ALKBH5: variants seen among roughly 807,000 people sequenced by gnomAD.
ALKBH5 encodes the protein RNA demethylase ALKBH5.
A neutral mutation model predicts 32.1 loss-of-function variants in ALKBH5; 2 were observed. The observed-to-expected ratio is 0.06, with a 90% confidence interval of 0.03 to 0.20. The LOEUF (loss-of-function observed/expected upper bound fraction) is 0.20. Ranked by LOEUF, ALKBH5 falls within the 10% of genes least tolerant of loss-of-function variation. The pLI, the probability that ALKBH5 is intolerant of heterozygous loss-of-function variation, is 1.00. For missense variants in ALKBH5, 352 were observed against 559.5 expected, an observed-to-expected ratio of 0.63 and a Z score of 3.74; for synonymous variants, 300 against 231.7, an observed-to-expected ratio of 1.29 and a Z score of -2.68.
intron 2 of ALKBH5, among the ~76,000 whole-genome samples, chr17:18,199,161 A>AGG (rs1354484219): frequency 6.6e-6 from 1 of 152,174 alleles, no homozygotes. Flanking sequence ...GAGTGGGGTG[A>AGG]GGCAGCAGCT....
intron 3 of ALKBH5, among the ~76,000 whole-genome samples, chr17:18,207,480 G>A (rs766150887): frequency 3.3e-5 from 5 of 152,120 alleles, no homozygotes; most frequent in Non-Finnish European, 7.3e-5. Context: ...GGCTAAGACG[G>A]TGAAACCCCG....
rs1333744517 is a variant in ALKBH5 at position 18,209,549 on chromosome 17, T to C, written c.*1153T>C. On this transcript the variant is annotated 3_prime_UTR_variant, in exon 4 of 4. Transcript: ENST00000399138. Reference sequence around the variant, plus strand: ...TAATAAGGAAAAAAAGGTAAAGTCTTTGGTAGCTTCTATCCACTCAGATCC... The same window carrying C: ...TAATAAGGAAAAAAAGGTAAAGTCTCTGGTAGCTTCTATCCACTCAGATCC... The C allele has an allele frequency of 6.6e-6, 1 of 152,230 alleles. No individual in the cohort carries two copies. The highest frequency in any genetic ancestry group is 1.5e-5 in the Non-Finnish European group (1 of 68,074). 9.4% of individuals were successfully genotyped at this position (152,230 alleles called of 1,614,324 possible). A position where few individuals can be genotyped will look rare whatever the true frequency, so the allele number is the denominator to read the frequency against.
intron 2 of ALKBH5, among the ~76,000 whole-genome samples, chr17:18,204,267 C>T (rs1001286063): frequency 1.3e-5 from 2 of 152,062 alleles, no homozygotes; most frequent in African/African-American, 4.8e-5. Context: ...GCCTGACCAA[C>T]ATGGAGAAAC....
intron 2 of ALKBH5, among the ~76,000 whole-genome samples, chr17:18,204,085 A>G (rs918950383): frequency 6.6e-6 from 1 of 152,180 alleles, no homozygotes; most frequent in African/African-American, 2.4e-5. Flanking sequence ...GTCAAGTATA[A>G]AGGCTAACAT....
At position 18,184,099 on chromosome 17, in the gene ALKBH5, GC is replaced by G; in HGVS notation, c.-139del. On this transcript the variant is annotated 5_prime_UTR_variant, in exon 1 of 4. Transcript: ENST00000399138. The stretch of plus-strand genomic sequence containing the variant: ...CCTACCCCACGCCCGGACCCTCGAC[GC>G]CCCCCGCCGGGTCCCCCACTCACGC... 1.3e-6 allele frequency: 1 copy of G among 752,584 alleles called. No homozygotes were observed. Among genetic ancestry groups the G allele is most frequent in the Non-Finnish European group, 2.2e-6 (1 of 453,050 alleles). 46.6% of individuals were successfully genotyped at this position (752,584 alleles called of 1,614,324 possible).
intron 2 of ALKBH5, among the ~76,000 whole-genome samples, chr17:18,205,294 T>A (rs1374660101): frequency 6.6e-6 from 1 of 152,146 alleles, no homozygotes; most frequent in African/African-American, 2.4e-5. Flanking sequence ...CAAAACTAGA[T>A]CATCCTCCTG....
chr17:18,203,502 G>A (rs917110591), intron 2 of ALKBH5, among the ~76,000 whole-genome samples: 10 of 152,198 alleles, frequency 6.6e-5, no homozygotes, highest in Non-Finnish European at 1.5e-5. Flanking sequence ...ACATGCCCGA[G>A]GTCACATGCC....
chr17:18,201,564 C>T (rs899751423), intron 2 of ALKBH5, among the ~76,000 whole-genome samples: 31 of 151,968 alleles, frequency 2.0e-4, no homozygotes, highest in African/African-American at 7.3e-4. Context: ...TTGAGACCAC[C>T]CTGGGCAACA....
At chr17:18,206,618 G>T in intron 2 of ALKBH5, 197 bp from the exon 3 acceptor site, 1 of 621,124 alleles carries the variant, frequency 1.6e-6, no homozygotes, top group Admixed American at 2.6e-5. Flanking sequence ...TACTCCTAAA[G>T]GTGGACTTGA....
chr17:18,186,160 T>C (rs980059163), intron 1 of ALKBH5, among the ~76,000 whole-genome samples: 29 of 152,224 alleles, frequency 1.9e-4, no homozygotes, highest in African/African-American at 5.1e-4. Flanking sequence ...AGCCTTGTAA[T>C]GTCCAAGACG....
In ALKBH5 at chr17:18,199,573, G is replaced by A. The variant is rs1303720231; in HGVS notation, c.851+4538G>A. On this transcript the variant is annotated intron_variant, in intron 2 of 3. Coordinates refer to ENST00000399138, the MANE Select transcript of ALKBH5 (RefSeq NM_017758.4). ...GTTTGGAAAGGGGCTCAGGTAGGAAGTGAGCTGCCTCAGGTCATTGCTAGT... is the reference window on the plus strand; with the variant it reads ...GTTTGGAAAGGGGCTCAGGTAGGAAATGAGCTGCCTCAGGTCATTGCTAGT... Among the ~76,000 whole-genome samples, 3 of 152,334 alleles carry A rather than the reference G, an allele frequency of 2.0e-5. 1 individual carries two copies. The highest frequency in any genetic ancestry group is 2.0e-4 in the Admixed American group (3 of 15,302).
At chr17:18,198,069 A>G (rs1285238339) in intron 2 of ALKBH5, among the ~76,000 whole-genome samples, 6 of 152,150 alleles carry the variant, frequency 3.9e-5, no homozygotes, top group African/African-American at 7.2e-5. Flanking sequence ...CAACTCCCCA[A>G]ATAAACCTAC....
intron 2 of ALKBH5, among the ~76,000 whole-genome samples, chr17:18,198,371 C>T (rs1487481327): frequency 6.6e-6 from 1 of 152,186 alleles, no homozygotes; most frequent in Non-Finnish European, 1.5e-5. Flanking sequence ...GAGAACAATT[C>T]AGGCCGGTGA....
chr17:18,187,854 C>T (rs540389390), intron 1 of ALKBH5, among the ~76,000 whole-genome samples: 3 of 152,134 alleles, frequency 2.0e-5, no homozygotes, highest in African/African-American at 7.2e-5. Flanking sequence ...GGGAGGGATT[C>T]TAGTAGTAGG....
intron 1 of ALKBH5, among the ~76,000 whole-genome samples, chr17:18,193,178 T>C (rs887201769): frequency 3.3e-5 from 5 of 151,870 alleles, no homozygotes; most frequent in Non-Finnish European, 7.4e-5. Context: ...CTGTCTCTTA[T>C]GGGACTGGTG....
Position 18,209,816 on chromosome 17 carries a change from C to T in ALKBH5, c.*1420C>T, listed in dbSNP as rs781384519. On this transcript the variant is annotated 3_prime_UTR_variant, in exon 4 of 4. Transcript: ENST00000399138. ...CTTTGCCAGCGTGGATTTCTCAAGT[C>T]GGGACTGCATAATTAAAGCAGTTGC... 2 of 152,626 alleles carry T rather than the reference C, an allele frequency of 1.3e-5. No homozygotes were observed. Among genetic ancestry groups the T allele is most frequent in the African/African-American group, 4.8e-5 (2 of 41,448 alleles). 9.5% of individuals were successfully genotyped at this position (152,626 alleles called of 1,614,324 possible).
In ALKBH5 at chr17:18,184,954, T is replaced by C. The variant is rs2047128726; in HGVS notation, c.711T>C (p.Ile237=). The C allele has an allele frequency of 1.2e-6, 2 of 1,613,834 alleles. No homozygotes were observed. The highest frequency in any genetic ancestry group is 1.3e-5 in the African/African-American group (1 of 75,058). The part of the protein sequence containing the change: ...CFGCKFQFKP[I]RVSEPVLSLP... Reference sequence around the variant, plus strand: ...GCTGCAAGTTCCAGTTCAAGCCTATTCGGGTGTCGGAACCAGTGCTTTCCC... The same window carrying C: ...GCTGCAAGTTCCAGTTCAAGCCTATCCGGGTGTCGGAACCAGTGCTTTCCC... Residue 237 remains isoleucine (I), a synonymous_variant, in exon 1 of 4, where the codon ATT becomes ATC. Transcript: ENST00000399138.
intron 1 of ALKBH5, among the ~76,000 whole-genome samples, chr17:18,191,242 G>C (rs1224135295): frequency 6.6e-6 from 1 of 152,172 alleles, no homozygotes; most frequent in Admixed American, 6.5e-5. Flanking sequence ...AGGACTTTGA[G>C]CTCATGTTGC....
intron 2 of ALKBH5, among the ~76,000 whole-genome samples, chr17:18,200,397 C>G (rs2047229778): frequency 6.6e-6 from 1 of 152,134 alleles, no homozygotes; most frequent in African/African-American, 2.4e-5. Context: ...CAGGATTGCA[C>G]TGTGAGACTT....
Sources: gnomAD v4.1 joint callset for allele counts (sites outside exome capture counted in the v4.1 genomes callset) on GRCh38, gnomAD v4.1.1 for gene constraint, MANE v1.5 for transcripts, NCBI Gene and HGNC (gene_info 2026-07-23, HGNC 2026-07-21) for gene names.